Variants in DENND1A observed in about 807,000 individuals in gnomAD.
DENND1A encodes the protein DENN domain-containing protein 1A.
DENND1A carries 51 observed loss-of-function variants against 113.7 expected under a neutral mutation model. That is an observed-to-expected ratio of 0.45 (90% CI 0.36 to 0.57). The LOEUF (loss-of-function observed/expected upper bound fraction) is 0.57, where lower values mean the gene tolerates loss of function less well. Among genes scored for constraint, DENND1A ranks in the 20% least tolerant of loss-of-function variants. The probability of loss-of-function intolerance (pLI) is 0.00; values close to 1 mark genes in which losing one functional copy is unlikely to be tolerated. For missense variants in DENND1A, 1,258 were observed against 1,395.9 expected, an observed-to-expected ratio of 0.90 and a Z score of 1.57; for synonymous variants, 565 against 570.8, an observed-to-expected ratio of 0.99 and a Z score of 0.14.
intron 13 of DENND1A, among the ~76,000 whole-genome samples, chr9:123,524,066 G>C (rs973275199): frequency 5.9e-5 from 9 of 152,134 alleles, no homozygotes; most frequent in Non-Finnish European, 1.3e-4. Flanking sequence ...GGCATGTCAG[G>C]GATGAAAAAT....
In DENND1A at chr9:123,404,533, G is replaced by C. The variant is rs145332129; in HGVS notation, c.1543-1043C>G. 5.3e-3 allele frequency among the ~76,000 whole-genome samples: 805 copies of C among 151,992 alleles called. 5 individuals are homozygous for C. Among genetic ancestry groups the C allele is most frequent in the African/African-American group, 0.019 (776 of 41,342 alleles). On this transcript the variant is annotated intron_variant, in intron 20 of 23. Coordinates refer to ENST00000394215, the MANE Select transcript of DENND1A (RefSeq NM_001352964.2). ...AGTTTCCAGGACAAGACAGGGAAGGGAAGCAGGCACACACTCCACCTCCTG... is the reference window on the plus strand; with the variant it reads ...AGTTTCCAGGACAAGACAGGGAAGGCAAGCAGGCACACACTCCACCTCCTG...
At position 123,666,101 on chromosome 9, in the gene DENND1A, T is replaced by C. The variant is rs537297936; in HGVS notation, c.507+925A>G. Among the ~76,000 whole-genome samples the C allele has an allele frequency of 1.6e-4, 24 of 152,326 alleles. 1 individual carries two copies. The South Asian group carries it at 4.8e-3, about 30-fold the overall frequency. ...GCTTAATGAGTACAGAGTTTCAGTT[T>C]TGTAAGATACAAAAAGTTCTGGACA... On this transcript the variant is annotated intron_variant, in intron 8 of 23. Coordinates refer to ENST00000394215, the MANE Select transcript of DENND1A (RefSeq NM_001352964.2).
intron 10 of DENND1A, among the ~76,000 whole-genome samples, chr9:123,621,329 G>A (rs1158666358): frequency 1.3e-5 from 2 of 151,946 alleles, no homozygotes; most frequent in Non-Finnish European, 2.9e-5. Context: ...GGGATTACAG[G>A]CATGTACCAC....
intron 10 of DENND1A, among the ~76,000 whole-genome samples, chr9:123,610,819 A>G (rs1049101487): frequency 2.0e-5 from 3 of 152,196 alleles, no homozygotes; most frequent in South Asian, 2.1e-4. Context: ...TTTGCTTCCA[A>G]CTGAATACTA....
chr9:123,501,407 A>T (rs2052471455), intron 13 of DENND1A, among the ~76,000 whole-genome samples: 2 of 152,208 alleles, frequency 1.3e-5, no homozygotes, highest in African/African-American at 4.8e-5. Flanking sequence ...GAACATGGGT[A>T]CCAAATATAA....
chr9:123,391,761 G>GAAA (rs5900572), intron 21 of DENND1A, among the ~76,000 whole-genome samples: 14,481 of 109,974 alleles, frequency 0.13, 1,647 homozygotes, highest in African/African-American at 0.21. Context: ...GGCAGAATAT[G>GAAA]AAAAAAAAAA....
chr9:123,529,324 C>T (rs2055106181), intron 13 of DENND1A, among the ~76,000 whole-genome samples: 1 of 152,164 alleles, frequency 6.6e-6, no homozygotes, highest in African/African-American at 2.4e-5. Flanking sequence ...TAGACCCCTT[C>T]TCCCCCGACT....
At chr9:123,648,854 G>A (rs1032753512) in intron 9 of DENND1A, among the ~76,000 whole-genome samples, 11 of 152,058 alleles carry the variant, frequency 7.2e-5, no homozygotes, top group Admixed American at 2.6e-4. Flanking sequence ...TATGTGGACA[G>A]CCAATTATTG....
chr9:123,696,861 T>C lies in DENND1A; in HGVS notation c.303-20072A>G, dbSNP rs542019662. On this transcript the variant is annotated intron_variant, in intron 5 of 23. Transcript: ENST00000394215. Reference sequence around the variant, plus strand: ...TCTGATCATGTCCTCTCCAGCTTAGTTGGACAGGGCATAGGAAAATAAAGA... The same window carrying C: ...TCTGATCATGTCCTCTCCAGCTTAGCTGGACAGGGCATAGGAAAATAAAGA... Among the ~76,000 whole-genome samples, 5 of 152,196 alleles carry C rather than the reference T, an allele frequency of 3.3e-5. No individual in the cohort carries two copies. The South Asian group carries it at 1.0e-3, about 31-fold the overall frequency.
chr9:123,401,578 A>G (rs971779176), intron 21 of DENND1A: 7 of 1,396,932 alleles, frequency 5.0e-6, no homozygotes, highest in African/African-American at 1.4e-5. Context: ...TTTGCCAACC[A>G]CCAAACTGGC....
intron 3 of DENND1A, among the ~76,000 whole-genome samples, chr9:123,773,137 G>A (rs546858145): frequency 1.3e-5 from 2 of 152,248 alleles, no homozygotes; most frequent in South Asian, 2.1e-4. Flanking sequence ...GAGCAGAGGG[G>A]GCAGGGAGGA....
At chr9:123,870,654 C>G (rs1846440832) in intron 2 of DENND1A, among the ~76,000 whole-genome samples, 1 of 152,018 alleles carries the variant, frequency 6.6e-6, no homozygotes, top group Admixed American at 6.6e-5. Flanking sequence ...CCAGGATGGT[C>G]TCGATCTCCT....
chr9:123,731,060 G>C (rs1332581446), intron 5 of DENND1A, among the ~76,000 whole-genome samples: 3 of 152,080 alleles, frequency 2.0e-5, no homozygotes, highest in African/African-American at 4.8e-5. Flanking sequence ...TGAACAGTGA[G>C]AACACATGGA....
chr9:123,874,217 C>T (rs1049029165), intron 2 of DENND1A, among the ~76,000 whole-genome samples: 11 of 128,934 alleles, frequency 8.5e-5, no homozygotes, highest in Non-Finnish European at 1.1e-4. Context: ...AAAAAAAAAA[C>T]GAAAAAAAGG....
At chr9:123,710,939 C>T (rs2066543223) in intron 5 of DENND1A, among the ~76,000 whole-genome samples, 2 of 152,144 alleles carry the variant, frequency 1.3e-5, no homozygotes, top group Non-Finnish European at 2.9e-5. Flanking sequence ...TCTCAATGTG[C>T]TGGGATTACA....
intron 2 of DENND1A, 111 bp downstream of exon 2, chr9:123,878,838 TAA>T: frequency 9.5e-7 from 1 of 1,050,870 alleles, no homozygotes; most frequent in Non-Finnish European, 1.4e-6. Context: ...AAAAGGCACT[TAA>T]ACATACTTAA....
intron 19 of DENND1A, among the ~76,000 whole-genome samples, chr9:123,421,326 G>T (rs796339727): frequency 6.6e-6 from 1 of 151,888 alleles, no homozygotes; most frequent in African/African-American, 2.4e-5. Flanking sequence ...CCCAGGCCCG[G>T]CCTGACAGCT....
intron 9 of DENND1A, 27 bp from the exon 10 acceptor site, chr9:123,630,503 T>C: frequency 2.7e-6 from 4 of 1,478,720 alleles, no homozygotes; most frequent in Non-Finnish European, 3.6e-6. Flanking sequence ...CAGAGATCAA[T>C]GAACAAATCC....
At chr9:123,830,738 C>T (rs1198942011) in intron 2 of DENND1A, among the ~76,000 whole-genome samples, 1 of 151,592 alleles carries the variant, frequency 6.6e-6, no homozygotes, top group Non-Finnish European at 1.5e-5. Flanking sequence ...TGGTGGCAGA[C>T]GCCTGTAATC....
Sources: gnomAD v4.1 joint callset for allele counts (sites outside exome capture counted in the v4.1 genomes callset) on GRCh38, gnomAD v4.1.1 for gene constraint, MANE v1.5 for transcripts, NCBI Gene and HGNC (gene_info 2026-07-23, HGNC 2026-07-21) for gene names.